Variants in FSTL4 observed in about 807,000 individuals in gnomAD.
FSTL4 encodes the protein follistatin like 4.
In FSTL4, 28 loss-of-function variants were observed where a neutral mutation model predicts 78.2. The ratio of observed to expected loss-of-function variants is 0.36; its 90% confidence interval spans 0.27 to 0.49. FSTL4 has a LOEUF of 0.49. Among genes scored for constraint, FSTL4 ranks in the 20% least tolerant of loss-of-function variants. The pLI is 0.98. For synonymous variants in FSTL4, 422 were observed against 440.5 expected, an observed-to-expected ratio of 0.96 and a Z score of 0.53; for missense variants, 922 against 1,084.9, an observed-to-expected ratio of 0.85 and a Z score of 2.11.
chr5:133,607,857 C>T (rs959002637), intron 1 of FSTL4, among the ~76,000 whole-genome samples: 1 of 150,046 alleles, frequency 6.7e-6, no homozygotes, highest in Admixed American at 6.7e-5. Context: ...AGACTCTCCT[C>T]AGTCCTCACT....
intron 4 of FSTL4, among the ~76,000 whole-genome samples, chr5:133,377,317 T>A (rs1755458678): frequency 6.6e-6 from 1 of 152,042 alleles, no homozygotes; most frequent in Non-Finnish European, 1.5e-5. Flanking sequence ...GAGACCAGAG[T>A]CTACCATGAC....
intron 3 of FSTL4, among the ~76,000 whole-genome samples, chr5:133,415,971 C>T (rs1756574691): frequency 6.6e-6 from 1 of 152,180 alleles, no homozygotes; most frequent in South Asian, 2.1e-4. Context: ...CCTTACCCCG[C>T]TTTCAGAGAG....
At chr5:133,335,119 T>C (rs1304595803) in intron 4 of FSTL4, among the ~76,000 whole-genome samples, 1 of 152,184 alleles carries the variant, frequency 6.6e-6, no homozygotes, top group East Asian at 1.9e-4. Flanking sequence ...CTCCTCATGT[T>C]GAAGGCGTGG....
intron 3 of FSTL4, among the ~76,000 whole-genome samples, chr5:133,483,941 G>C (rs1168623743): frequency 6.6e-6 from 1 of 152,166 alleles, no homozygotes; most frequent in African/African-American, 2.4e-5. Flanking sequence ...AGGCCTCCAA[G>C]CGAGAATGTC....
chr5:133,522,703 C>T (rs949855615), intron 3 of FSTL4, among the ~76,000 whole-genome samples: 4 of 152,212 alleles, frequency 2.6e-5, no homozygotes, highest in Non-Finnish European at 4.4e-5. Flanking sequence ...CATGTGTCTG[C>T]CCCAGTGGCC....
chr5:133,592,316 T>TC (rs753471320), intron 2 of FSTL4, among the ~76,000 whole-genome samples: 1 of 152,224 alleles, frequency 6.6e-6, no homozygotes, highest in Non-Finnish European at 1.5e-5. Flanking sequence ...TTCTTCTTTC[T>TC]CATAATCCCA....
At chr5:133,499,742 T>G (rs1337516768) in intron 3 of FSTL4, among the ~76,000 whole-genome samples, 4 of 152,084 alleles carry the variant, frequency 2.6e-5, no homozygotes, top group Non-Finnish European at 5.9e-5. Flanking sequence ...CCCAAGCCTC[T>G]CTCTCATCCC....
chr5:133,483,370 T>C (rs1345957910), intron 3 of FSTL4, among the ~76,000 whole-genome samples: 1 of 152,210 alleles, frequency 6.6e-6, no homozygotes, highest in Non-Finnish European at 1.5e-5. Context: ...AGGCCGGCCT[T>C]GTTCAGGGAT....
the FSTL4 span, among the ~76,000 whole-genome samples, chr5:133,722,938 T>C: frequency 6.6e-6 from 1 of 152,072 alleles, no homozygotes; most frequent in South Asian, 2.1e-4. Flanking sequence ...GGTGGCCACA[T>C]AGGTATTAGG....
the FSTL4 span, among the ~76,000 whole-genome samples, chr5:133,633,351 G>A: frequency 6.6e-6 from 1 of 152,066 alleles, no homozygotes; most frequent in Non-Finnish European, 1.5e-5. Context: ...GCAATATATT[G>A]TTCTATCTTC....
At chr5:133,755,947 T>C in the FSTL4 span, among the ~76,000 whole-genome samples, 1 of 152,202 alleles carries the variant, frequency 6.6e-6, no homozygotes, top group Non-Finnish European at 1.5e-5. Flanking sequence ...ATGCCTACTA[T>C]GTCCCAGGTT....
intron 3 of FSTL4, chr5:133,427,686 C>T (rs1167260249): frequency 2.1e-5 from 11 of 521,456 alleles, no homozygotes; most frequent in Non-Finnish European, 4.0e-5. Flanking sequence ...TAGGAATGTG[C>T]CTTTTTAACT....
chr5:133,318,168 C>T (rs934840964), intron 4 of FSTL4, among the ~76,000 whole-genome samples: 1 of 152,188 alleles, frequency 6.6e-6, no homozygotes, highest in African/African-American at 2.4e-5. Flanking sequence ...GATCTATTTG[C>T]TCTCTGGGAG....
In FSTL4 at chr5:133,241,703, TGCACTGTA is replaced by T. The variant is rs762174109; in HGVS notation, c.894+7699_894+7706del. 1.5e-3 allele frequency among the ~76,000 whole-genome samples: 231 copies of T among 152,310 alleles called. 1 individual carries two copies. Among genetic ancestry groups the T allele is most frequent in the Admixed American group, 4.6e-3 (71 of 15,300 alleles). On this transcript the variant is annotated intron_variant, in intron 7 of 15. Coordinates refer to ENST00000265342, the MANE Select transcript of FSTL4 (RefSeq NM_015082.2). ...GCGGGAAGGGACTCAGGTTCTAGAC[TGCACTGTA>T]GCAGTCATCTGAAGTTCCAGACCAC...
chr5:133,425,569 A>G (rs528024416), intron 3 of FSTL4, among the ~76,000 whole-genome samples: 1 of 152,372 alleles, frequency 6.6e-6, no homozygotes. Flanking sequence ...ATTAATGCCC[A>G]ACTGACCTCC....
intron 4 of FSTL4, among the ~76,000 whole-genome samples, chr5:133,370,698 G>A (rs1420377753): frequency 6.6e-6 from 1 of 152,076 alleles, no homozygotes; most frequent in Admixed American, 6.5e-5. Flanking sequence ...GGGATGAGGC[G>A]GTGCTGTGGG....
At chr5:133,790,991 C>T in the FSTL4 span, among the ~76,000 whole-genome samples, 2 of 152,152 alleles carry the variant, frequency 1.3e-5, no homozygotes, top group African/African-American at 4.8e-5. Context: ...AAGTCCAAAG[C>T]CCTATACTGG....
intron 3 of FSTL4, among the ~76,000 whole-genome samples, chr5:133,410,167 T>A (rs1756449551): frequency 2.0e-5 from 3 of 152,230 alleles, no homozygotes; most frequent in African/African-American, 4.8e-5. Flanking sequence ...ACAATACGAT[T>A]TCTGCCCTTG....
chr5:133,579,435 G>A lies in FSTL4; in HGVS notation c.127-12216C>T, dbSNP rs571586516. ...TGTGATGCGTTCCTCATTCTGAGAC[G>A]CTTCATGTCTACCAGCTGTCGATCG... On this transcript the variant is annotated intron_variant, in intron 2 of 15. Transcript: ENST00000265342. Among the ~76,000 whole-genome samples the A allele has an allele frequency of 2.6e-5, 4 of 152,256 alleles. No individual in the cohort carries two copies. The East Asian group carries it at 7.7e-4, about 29-fold the overall frequency.
Sources: allele counts gnomAD v4.1 joint callset (sites outside exome capture counted in the v4.1 genomes callset), GRCh38; gene constraint gnomAD v4.1.1; transcripts MANE v1.5; gene names NCBI Gene and HGNC (gene_info 2026-07-23, HGNC 2026-07-21).